Variants in TGFBR3 observed in about 807,000 individuals in gnomAD.
The protein encoded by TGFBR3 is transforming growth factor beta receptor type 3.
Under a neutral mutation model 87.9 loss-of-function variants are expected in TGFBR3, and 46 were observed. The observed-to-expected ratio is 0.52, with a 90% CI of 0.41 to 0.67. The LOEUF (loss-of-function observed/expected upper bound fraction) is 0.67. Among genes scored for constraint, TGFBR3 ranks in the 30% least tolerant of loss-of-function variants. The probability of loss-of-function intolerance (pLI) is 0.00; values close to 1 mark genes in which losing one functional copy is unlikely to be tolerated. For missense variants in TGFBR3, 866 were observed against 1,041.9 expected (o/e 0.83, Z 2.32); for synonymous variants, 381 against 391.6 (o/e 0.97, Z 0.32).
chr1:91,713,798 T>C (rs11165308), intron 12 of TGFBR3, among the ~76,000 whole-genome samples: 57,100 of 152,008 alleles, frequency 0.38, 11,168 homozygotes, highest in Non-Finnish European at 0.44. Flanking sequence ...CAAGATATTC[T>C]ATCTTGGAAA....
intron 7 of TGFBR3, among the ~76,000 whole-genome samples, chr1:91,723,686 C>G (rs1470581146): frequency 6.6e-6 from 1 of 152,050 alleles, no homozygotes; most frequent in African/African-American, 2.4e-5. Context: ...GAGCTAAATG[C>G]TGCAGAGGGG....
chr1:91,851,892 C>T (rs1009950245), intron 2 of TGFBR3, among the ~76,000 whole-genome samples: 1 of 152,228 alleles, frequency 6.6e-6, no homozygotes. Context: ...TCTTGGTAAA[C>T]ATCCTCCCCT....
At chr1:91,774,775 C>T (rs975703587) in intron 3 of TGFBR3, among the ~76,000 whole-genome samples, 2 of 152,182 alleles carry the variant, frequency 1.3e-5, no homozygotes, top group African/African-American at 4.8e-5. Flanking sequence ...TTATGAAATT[C>T]TCTCTTTCCC....
chr1:91,766,840 C>G (rs375938907), intron 3 of TGFBR3, among the ~76,000 whole-genome samples: 1 of 133,012 alleles, frequency 7.5e-6, no homozygotes, highest in African/African-American at 2.8e-5. Flanking sequence ...CTGACACCAA[C>G]CAGTTTAAAG....
chr1:91,902,224 A>G (rs1046031531), intron 1 of TGFBR3, among the ~76,000 whole-genome samples: 3 of 151,748 alleles, frequency 2.0e-5, no homozygotes, highest in African/African-American at 7.2e-5. Context: ...CTCCTCCATT[A>G]GAGAACATAG....
chr1:91,839,419 A>T (rs1314707420), intron 2 of TGFBR3, among the ~76,000 whole-genome samples: 1 of 152,226 alleles, frequency 6.6e-6, no homozygotes, highest in Non-Finnish European at 1.5e-5. Flanking sequence ...GTAACATTAA[A>T]ATCCTTTGCT....
chr1:91,784,884 C>CT (rs1464398100), intron 3 of TGFBR3, among the ~76,000 whole-genome samples: 2 of 152,182 alleles, frequency 1.3e-5, no homozygotes, highest in African/African-American at 4.8e-5. Context: ...AGCCTACCCC[C>CT]TTCATTGTCT....
At chr1:91,874,320 C>T (rs1166201546) in intron 1 of TGFBR3, among the ~76,000 whole-genome samples, 3 of 152,078 alleles carry the variant, frequency 2.0e-5, no homozygotes, top group African/African-American at 7.2e-5. Context: ...TGAGACAGAG[C>T]GTATCTGGCG....
At chr1:91,719,756 G>T in intron 9 of TGFBR3, 137 bp downstream of exon 9, 1 of 999,878 alleles carries the variant, frequency 1.0e-6, no homozygotes, top group Non-Finnish European at 1.5e-6. Flanking sequence ...GGGGAAGTAG[G>T]CCCATCCAAC....
intron 3 of TGFBR3, among the ~76,000 whole-genome samples, chr1:91,773,904 GA>G (rs1356058528): frequency 6.6e-6 from 1 of 152,184 alleles, no homozygotes; most frequent in African/African-American, 2.4e-5. Flanking sequence ...ATGCTGGCTT[GA>G]AAAATTAAAT....
chr1:91,768,608 C>G (rs935077973), intron 3 of TGFBR3, among the ~76,000 whole-genome samples: 1 of 152,132 alleles, frequency 6.6e-6, no homozygotes, highest in South Asian at 2.1e-4. Flanking sequence ...TGAGAGAGTT[C>G]TCACAAGATC....
intron 1 of TGFBR3, among the ~76,000 whole-genome samples, chr1:91,900,951 T>C (rs1377362695): frequency 6.6e-6 from 1 of 152,200 alleles, no homozygotes; most frequent in Non-Finnish European, 1.5e-5. Context: ...GCCTCAAACT[T>C]CTGGGCTCGG....
In TGFBR3 at chr1:91,712,486, G is replaced by A. The variant is rs753441965; in HGVS notation, c.1923C>T (p.Ile641=). ...TCCTATCAGGGTTCGAATATGGAGAGATAAAGCACGTTTGGATGGCAAATC... is the reference window on the plus strand; with the variant it reads ...TCCTATCAGGGTTCGAATATGGAGAAATAAAGCACGTTTGGATGGCAAATC... ...ELGFAIQTCF[I]SPYSNPDRMS... is the part of the protein sequence containing the mutation. The change falls in exon 13 of 17, where the codon ATC becomes ATT. Residue 641 remains isoleucine, a synonymous_variant. Transcript: ENST00000212355. 3.7e-6 allele frequency: 6 copies of A among 1,614,190 alleles called. No individual in the cohort carries two copies. The Admixed American group carries it at 8.3e-5, about 22-fold the overall frequency.
intron 2 of TGFBR3, among the ~76,000 whole-genome samples, chr1:91,898,091 G>T (rs1175092431): frequency 6.6e-6 from 1 of 150,456 alleles, no homozygotes; most frequent in East Asian, 1.9e-4. Context: ...CCCCTAGAAA[G>T]TACAGGAAAA....
At chr1:91,743,704 A>C (rs951876678) in intron 4 of TGFBR3, among the ~76,000 whole-genome samples, 10 of 152,246 alleles carry the variant, frequency 6.6e-5, no homozygotes, top group African/African-American at 2.4e-4. Flanking sequence ...GATAAATAAA[A>C]CAAATCTTGA....
At chr1:91,745,693 C>T (rs1435217312) in intron 4 of TGFBR3, among the ~76,000 whole-genome samples, 1 of 152,222 alleles carries the variant, frequency 6.6e-6, no homozygotes, top group Non-Finnish European at 1.5e-5. Flanking sequence ...ACCCCACTTG[C>T]CTATTTCCTC....
chr1:91,900,567 T>G (rs917614489), intron 1 of TGFBR3, among the ~76,000 whole-genome samples: 1 of 152,256 alleles, frequency 6.6e-6, no homozygotes, highest in African/African-American at 2.4e-5. Context: ...AGCTAGTTTT[T>G]TCTTATAAAA....
intron 2 of TGFBR3, among the ~76,000 whole-genome samples, chr1:91,806,073 C>T (rs1442968946): frequency 2.0e-5 from 3 of 152,226 alleles, no homozygotes; most frequent in African/African-American, 7.2e-5. Context: ...TCACACGTAT[C>T]ACCTTTGGTT....
chr1:91,749,568 T>C (rs922122911), intron 4 of TGFBR3, among the ~76,000 whole-genome samples: 1 of 152,200 alleles, frequency 6.6e-6, no homozygotes, highest in African/African-American at 2.4e-5. Flanking sequence ...AGTTAGATAA[T>C]GTGGACTCGA....
Sources: gnomAD v4.1 joint callset for allele counts (sites outside exome capture counted in the v4.1 genomes callset) on GRCh38, gnomAD v4.1.1 for gene constraint, MANE v1.5 for transcripts, NCBI Gene and HGNC (gene_info 2026-07-23, HGNC 2026-07-21) for gene names.